Variants in ERC1 observed in about 807,000 individuals in gnomAD.
The protein encoded by ERC1 is RAB6 interacting protein 2.
Under a neutral mutation model 132.0 loss-of-function variants are expected in ERC1, and 56 were observed. That is an observed-to-expected ratio of 0.42 (90% confidence interval 0.34 to 0.53). The LOEUF is 0.53. Among genes scored for constraint, ERC1 ranks in the 20% least tolerant of loss-of-function variants. The pLI, the probability that ERC1 is intolerant of heterozygous loss-of-function variation, is 0.03. For synonymous variants in ERC1, 478 were observed against 476.1 expected, an observed-to-expected ratio of 1.00 and a Z score of -0.05; for missense variants, 1,202 against 1,349.9, an observed-to-expected ratio of 0.89 and a Z score of 1.72.
intron 14 of ERC1, among the ~76,000 whole-genome samples, chr12:1,288,411 G>A (rs1207964043): frequency 2.0e-5 from 3 of 152,130 alleles, no homozygotes; most frequent in Admixed American, 6.5e-5. Flanking sequence ...CACAGCGCCC[G>A]GCCGTAACAA....
intron 8 of ERC1, among the ~76,000 whole-genome samples, chr12:1,165,722 T>TA (rs1952355721): frequency 6.6e-6 from 1 of 152,196 alleles, no homozygotes; most frequent in African/African-American, 2.4e-5. Flanking sequence ...TCTCAGAACT[T>TA]AGAGTGTTTT....
chr12:1,330,442 G>GTAT (rs148204080), intron 15 of ERC1, among the ~76,000 whole-genome samples: 127 of 151,700 alleles, frequency 8.4e-4, no homozygotes, highest in Admixed American at 1.6e-3. Context: ...CCCAGTTTTT[G>GTAT]TATTATTATT....
At chr12:1,418,855 C>G (rs12426795) in intron 17 of ERC1, among the ~76,000 whole-genome samples, 7,838 of 151,582 alleles carry the variant, frequency 0.052, 274 homozygotes, top group East Asian at 0.093. Flanking sequence ...AGGGACTACA[C>G]GCGTGTACCA....
At chr12:1,279,784 G>A (rs1475430952) in intron 14 of ERC1, among the ~76,000 whole-genome samples, 5 of 151,598 alleles carry the variant, frequency 3.3e-5, no homozygotes, top group South Asian at 2.1e-4. Flanking sequence ...CAACCTCCGC[G>A]TCCCGGGTTC....
intron 1 of ERC1, among the ~76,000 whole-genome samples, chr12:1,009,409 C>T (rs1964308226): frequency 2.0e-5 from 3 of 152,078 alleles, no homozygotes; most frequent in East Asian, 1.9e-4. Flanking sequence ...CTCCTGACCT[C>T]GTGATCCGCC....
chr12:1,194,044 C>A (rs1049865781), intron 12 of ERC1, among the ~76,000 whole-genome samples: 2 of 152,144 alleles, frequency 1.3e-5, no homozygotes, highest in African/African-American at 2.4e-5. Context: ...AATGTAACTG[C>A]AAATTTCTCT....
At chr12:1,099,094 C>A (rs1944379984) in intron 3 of ERC1, among the ~76,000 whole-genome samples, 1 of 152,006 alleles carries the variant, frequency 6.6e-6, no homozygotes, top group African/African-American at 2.4e-5. Flanking sequence ...ACTTAGAATT[C>A]GTTGGTGGTC....
At chr12:1,436,187 C>A (rs566854222) in intron 17 of ERC1, among the ~76,000 whole-genome samples, 1 of 152,142 alleles carries the variant, frequency 6.6e-6, no homozygotes, top group East Asian at 1.9e-4. Context: ...CACACGTGCA[C>A]GCACGCCCTC....
intron 18 of ERC1, among the ~76,000 whole-genome samples, chr12:1,450,127 G>A (rs1334927524): frequency 6.6e-6 from 1 of 152,070 alleles, no homozygotes; most frequent in African/African-American, 2.4e-5. Flanking sequence ...CATTGTTACT[G>A]TTTTTGCTTT....
intron 15 of ERC1, among the ~76,000 whole-genome samples, chr12:1,338,144 C>G (rs1357761239): frequency 6.6e-6 from 1 of 152,172 alleles, no homozygotes; most frequent in East Asian, 1.9e-4. Flanking sequence ...GTTGCTTACG[C>G]TCTCCCCATC....
intron 2 of ERC1, among the ~76,000 whole-genome samples, chr12:1,078,838 T>C (rs1454449210): frequency 1.3e-5 from 2 of 151,862 alleles, no homozygotes; most frequent in South Asian, 2.1e-4. Context: ...TATACAAAGA[T>C]ACATATAGAA....
intron 15 of ERC1, among the ~76,000 whole-genome samples, chr12:1,322,074 T>C (rs986461320): frequency 6.8e-6 from 1 of 147,122 alleles, no homozygotes; most frequent in Non-Finnish European, 1.5e-5. Flanking sequence ...TAAGTAGTCA[T>C]CTGCTTTTAA....
intron 1 of ERC1, 64 bp from the exon 2 acceptor site, chr12:1,027,684 G>T: frequency 1.9e-6 from 1 of 536,140 alleles, no homozygotes; most frequent in Non-Finnish European, 3.3e-6. Context: ...GGGGGTAATG[G>T]AAAGTCTCTG....
rs777839002 is a variant in ERC1 at position 1,236,823 on chromosome 12, G to A, written c.2406G>A (p.Val802=). The A allele has an allele frequency of 1.9e-6, 3 of 1,613,976 alleles. No homozygotes were observed. The South Asian group carries it at 3.3e-5, about 18-fold the overall frequency. Residue 802 remains valine (V), a synonymous_variant, in exon 13 of 19, where the codon GTG becomes GTA. Coordinates refer to ENST00000360905, the MANE Select transcript of ERC1 (RefSeq NM_178040.4). ...KVANLKHKEQ[V]EKKKSAQMLE... ...CAAATCTGAAGCACAAGGAACAGGT[G>A]GAAAAAAAGAAGAGTGCACAAATGT...
chr12:1,194,876 A>G (rs540980316), intron 12 of ERC1, among the ~76,000 whole-genome samples: 5 of 149,672 alleles, frequency 3.3e-5, no homozygotes, highest in South Asian at 4.3e-4. Context: ...CTAAAGATTA[A>G]TAGGAATTGT....
chr12:1,440,302 TC>T, intron 17 of ERC1, among the ~76,000 whole-genome samples: 1 of 147,526 alleles, frequency 6.8e-6, no homozygotes, highest in South Asian at 2.2e-4. Context: ...CCTCCTGGGT[TC>T]ACGCCATTCT....
intron 13 of ERC1, among the ~76,000 whole-genome samples, chr12:1,262,165 C>T (rs1451589266): frequency 6.6e-6 from 1 of 152,208 alleles, no homozygotes; most frequent in Non-Finnish European, 1.5e-5. Context: ...AAAGGAAGCA[C>T]TTTATTCTTA....
chr12:1,365,255 T>C (rs1335676587), intron 15 of ERC1, among the ~76,000 whole-genome samples: 3 of 152,212 alleles, frequency 2.0e-5, no homozygotes, highest in African/African-American at 7.2e-5. Context: ...AAGCTCATGG[T>C]TTCTTTCTAG....
intron 7 of ERC1, among the ~76,000 whole-genome samples, chr12:1,130,586 G>C (rs574558068): frequency 6.6e-6 from 1 of 150,574 alleles, no homozygotes; most frequent in East Asian, 1.9e-4. Flanking sequence ...ATGAGTGAAG[G>C]TATCAACATT....
Sources: gnomAD v4.1 joint callset for allele counts (sites outside exome capture counted in the v4.1 genomes callset) on GRCh38, gnomAD v4.1.1 for gene constraint, MANE v1.5 for transcripts, NCBI Gene and HGNC (gene_info 2026-07-23, HGNC 2026-07-21) for gene names.